The following EPHA6 variants were observed in gnomAD, a reference collection of about 807,000 sequenced individuals.
EPHA6 encodes the protein EPH receptor A6.
EPHA6 carries 50 observed loss-of-function variants against 112.0 expected under a neutral mutation model. That is an observed-to-expected ratio of 0.45 (90% CI 0.36 to 0.56). EPHA6 has a LOEUF of 0.56. Ranked by LOEUF, EPHA6 falls within the 20% of genes least tolerant of loss-of-function variation. The pLI, the probability that EPHA6 is intolerant of heterozygous loss-of-function variation, is 0.00. For synonymous variants in EPHA6, 529 were observed against 490.7 expected, an observed-to-expected ratio of 1.08 and a Z score of -1.03; for missense variants, 1,280 against 1,417.4, an observed-to-expected ratio of 0.90 and a Z score of 1.56.
intron 3 of EPHA6, among the ~76,000 whole-genome samples, chr3:97,188,163 G>A (rs2077205874): frequency 6.6e-6 from 1 of 152,024 alleles, no homozygotes; most frequent in Non-Finnish European, 1.5e-5. Context: ...CATGTGCAAG[G>A]CAGCTCATCA....
intron 5 of EPHA6, among the ~76,000 whole-genome samples, chr3:97,357,283 T>C (rs1329610020): frequency 6.6e-6 from 1 of 152,180 alleles, no homozygotes; most frequent in South Asian, 2.1e-4. Context: ...CTCGGCTCAC[T>C]GCAGTCTTCA....
intron 4 of EPHA6, among the ~76,000 whole-genome samples, chr3:97,233,405 A>G (rs1452230267): frequency 6.6e-6 from 1 of 152,128 alleles, no homozygotes; most frequent in East Asian, 1.9e-4. Context: ...CAGAAAAATG[A>G]CAAGTTAAGA....
intron 14 of EPHA6, among the ~76,000 whole-genome samples, chr3:97,682,212 T>C (rs2031913625): frequency 6.6e-6 from 1 of 152,032 alleles, no homozygotes; most frequent in Admixed American, 6.6e-5. Context: ...TATGAGGCAG[T>C]ACCCAAACTT....
intron 3 of EPHA6, among the ~76,000 whole-genome samples, chr3:97,192,683 A>G (rs1057296546): frequency 5.6e-4 from 86 of 152,232 alleles, no homozygotes; most frequent in African/African-American, 1.9e-3. Flanking sequence ...ATGGGGTATT[A>G]CTCAAGAAAT....
chr3:97,385,810 CA>C (rs1455564108), intron 5 of EPHA6, among the ~76,000 whole-genome samples: 2 of 152,040 alleles, frequency 1.3e-5, no homozygotes, highest in Admixed American at 1.3e-4. Context: ...AGAGAAAGAG[CA>C]AAGGGGGAAG....
At chr3:97,436,541 C>T (rs1234275131) in intron 6 of EPHA6, among the ~76,000 whole-genome samples, 2 of 152,122 alleles carry the variant, frequency 1.3e-5, no homozygotes, top group Admixed American at 1.3e-4. Flanking sequence ...TGAATTTCTG[C>T]TGCATTTTCA....
chr3:96,835,621 A>G (rs1369699919), intron 1 of EPHA6, among the ~76,000 whole-genome samples: 2 of 152,056 alleles, frequency 1.3e-5, no homozygotes, highest in African/African-American at 2.4e-5. Flanking sequence ...CTTGAATGCT[A>G]TGCTAAGTGG....
chr3:97,646,473 C>CGT (rs1384695142), intron 14 of EPHA6, among the ~76,000 whole-genome samples: 4 of 152,076 alleles, frequency 2.6e-5, no homozygotes, highest in African/African-American at 9.7e-5. Flanking sequence ...TTTTGCATGC[C>CGT]GTGCTCTAGG....
At chr3:97,340,296 T>A (rs1378076173) in intron 5 of EPHA6, among the ~76,000 whole-genome samples, 1 of 152,168 alleles carries the variant, frequency 6.6e-6, no homozygotes, top group Non-Finnish European at 1.5e-5. Context: ...ACTGCCACCA[T>A]CATTGGAGCT....
intron 3 of EPHA6, among the ~76,000 whole-genome samples, chr3:97,093,356 C>T (rs1435385160): frequency 6.6e-6 from 1 of 151,948 alleles, no homozygotes; most frequent in Non-Finnish European, 1.5e-5. Flanking sequence ...CGAGACCAGC[C>T]TGGCCAACAT....
At chr3:97,106,344 A>G (rs1030208394) in intron 3 of EPHA6, among the ~76,000 whole-genome samples, 10 of 152,002 alleles carry the variant, frequency 6.6e-5, no homozygotes, top group Non-Finnish European at 1.3e-4. Flanking sequence ...CCAAACCCTC[A>G]GAATTTCCCC....
intron 3 of EPHA6, among the ~76,000 whole-genome samples, chr3:97,218,194 T>C (rs1355930502): frequency 1.3e-5 from 2 of 151,794 alleles, no homozygotes; most frequent in Non-Finnish European, 2.9e-5. Flanking sequence ...CCACCTGAGC[T>C]TGGGAGGTGG....
At chr3:97,430,464 T>G (rs1011516761) in intron 6 of EPHA6, among the ~76,000 whole-genome samples, 1 of 152,130 alleles carries the variant, frequency 6.6e-6, no homozygotes, top group Non-Finnish European at 1.5e-5. Context: ...CACAATGGTC[T>G]TATTAAAGTC....
chr3:97,154,335 ATTTG>A (rs1194252783), intron 3 of EPHA6, among the ~76,000 whole-genome samples: 1 of 152,058 alleles, frequency 6.6e-6, no homozygotes, highest in Non-Finnish European at 1.5e-5. Context: ...ACCCTTTAAA[ATTTG>A]TTTATTTTCT....
intron 3 of EPHA6, among the ~76,000 whole-genome samples, chr3:97,129,086 G>A (rs2048264107): frequency 6.6e-6 from 1 of 151,802 alleles, no homozygotes; most frequent in Admixed American, 6.6e-5. Context: ...TGTCGTCCAG[G>A]CTGGTTTAGA....
In EPHA6 at chr3:97,086,526, G is replaced by A. The variant is rs939343395; in HGVS notation, c.1114+98533G>A. Reference sequence around the variant, plus strand: ...ATTAAAATTATTATTTTCCTACTTTGCAGTAATAAACTTAGAAAATGGAAA... The same window carrying A: ...ATTAAAATTATTATTTTCCTACTTTACAGTAATAAACTTAGAAAATGGAAA... On this transcript the variant is annotated intron_variant, in intron 3 of 17. Coordinates refer to ENST00000389672, the MANE Select transcript of EPHA6 (RefSeq NM_001080448.3). 2.5e-4 allele frequency among the ~76,000 whole-genome samples: 38 copies of A among 151,886 alleles called. 1 individual carries two copies. The highest frequency in any genetic ancestry group is 6.8e-4 in the African/African-American group (28 of 41,454).
At chr3:97,332,281 A>G (rs2082839567) in intron 5 of EPHA6, among the ~76,000 whole-genome samples, 2 of 152,230 alleles carry the variant, frequency 1.3e-5, no homozygotes, top group South Asian at 4.1e-4. Flanking sequence ...GCTATCTATG[A>G]CAAACCCACA....
intron 14 of EPHA6, among the ~76,000 whole-genome samples, chr3:97,652,566 A>G (rs919374169): frequency 6.6e-6 from 1 of 152,184 alleles, no homozygotes; most frequent in African/African-American, 2.4e-5. Flanking sequence ...TCTAGTTGAA[A>G]TCTATCAAAA....
At chr3:97,559,728 C>T in intron 11 of EPHA6, 1 of 425,880 alleles carries the variant, frequency 2.3e-6, no homozygotes, top group Non-Finnish European at 4.6e-6. Flanking sequence ...TTATTTTTTG[C>T]ATGGATAGAC....
Sources: allele counts gnomAD v4.1 joint callset (sites outside exome capture counted in the v4.1 genomes callset), GRCh38; gene constraint gnomAD v4.1.1; transcripts MANE v1.5; gene names NCBI Gene and HGNC (gene_info 2026-07-23, HGNC 2026-07-21).